Variants in DDX60L observed in about 807,000 individuals in gnomAD.
DDX60L encodes probable ATP-dependent RNA helicase DDX60-like.
Under a neutral mutation model 211.6 loss-of-function variants are expected in DDX60L, and 191 were observed. The ratio of observed to expected loss-of-function variants is 0.90; its 90% CI spans 0.80 to 1.02. DDX60L has a LOEUF of 1.02. DDX60L is among the 50% of genes least tolerant of loss of function. The probability of loss-of-function intolerance (pLI) is 0.00; values close to 1 mark genes in which losing one functional copy is unlikely to be tolerated. For missense variants in DDX60L, 2,007 were observed against 1,984.1 expected (o/e 1.01, Z -0.22); for synonymous variants, 706 against 694.1 (o/e 1.02, Z -0.27).
At position 168,374,576 on chromosome 4, in the gene DDX60L, C is replaced by T. The variant is rs549997501; in HGVS notation, c.4634-768G>A. Among the ~76,000 whole-genome samples the T allele has an allele frequency of 2.9e-4, 44 of 152,278 alleles. 3 individuals are homozygous for T. The South Asian group carries it at 8.3e-3, about 29-fold the overall frequency. On this transcript the variant is annotated intron_variant, in intron 34 of 37. Transcript: ENST00000682922. ...ATTTGCAACGTCTGCTAGAACTTTC[C>T]GTAATGATGGAAATATTCTACCTCT...
intron 10 of DDX60L, among the ~76,000 whole-genome samples, chr4:168,438,277 TG>T (rs1753349322): frequency 6.6e-6 from 1 of 152,208 alleles, no homozygotes; most frequent in Non-Finnish European, 1.5e-5. Flanking sequence ...TCCTGCCTTT[TG>T]GGGCCAGTGT....
At chr4:168,402,807 A>C (rs1286803291) in intron 25 of DDX60L, among the ~76,000 whole-genome samples, 1 of 152,210 alleles carries the variant, frequency 6.6e-6, no homozygotes, top group South Asian at 2.1e-4. Flanking sequence ...CAGAGCTACA[A>C]ACCAGTGGAC....
intron 24 of DDX60L, 26 bp from the exon 25 acceptor site, chr4:168,404,132 A>T (rs766352465): frequency 3.4e-4 from 133 of 387,324 alleles, no homozygotes; most frequent in African/African-American, 2.6e-3. Context: ...AAAATTATTT[A>T]AAAAAAAAAA....
rs759068019 is a variant in DDX60L, at chr4:168,358,246, C to T, written c.5022G>A (p.Lys1674=). ...TAAATGCCAGGACTACATTGTCACGCTTATTTTCACATAGTTCACTCAAGG... is the reference window on the plus strand; with the variant it reads ...TAAATGCCAGGACTACATTGTCACGTTTATTTTCACATAGTTCACTCAAGG... The part of the protein sequence containing the change: ...SDSLSELCEN[K]RDNVVLAFKQ... Residue 1674 remains lysine (K), a synonymous_variant, in exon 38 of 38, where the codon AAG becomes AAA. Coordinates refer to ENST00000682922, the MANE Select transcript of DDX60L (RefSeq NM_001012967.3). The T allele has an allele frequency of 9.4e-6, 15 of 1,596,622 alleles. No homozygotes were observed. The highest frequency in any genetic ancestry group is 1.4e-5 in the African/African-American group (1 of 73,976).
At chr4:168,395,366 A>G (rs1157041879) in intron 27 of DDX60L, among the ~76,000 whole-genome samples, 1 of 152,250 alleles carries the variant, frequency 6.6e-6, no homozygotes, top group Non-Finnish European at 1.5e-5. Context: ...TAACGAATAA[A>G]TACATGAAAT....
chr4:168,446,358 C>CCACT (rs1754794806), intron 9 of DDX60L, among the ~76,000 whole-genome samples: 1 of 152,084 alleles, frequency 6.6e-6, no homozygotes, highest in African/African-American at 2.4e-5. Flanking sequence ...GAACTACAAA[C>CCACT]CACTGCTCAA....
chr4:168,439,917 G>C (rs1386340574), intron 10 of DDX60L, among the ~76,000 whole-genome samples: 2 of 152,098 alleles, frequency 1.3e-5, no homozygotes, highest in African/African-American at 2.4e-5. Context: ...AAATACTTAC[G>C]ACCTATACTT....
At chr4:168,429,897 T>C (rs912292014) in intron 13 of DDX60L, among the ~76,000 whole-genome samples, 39 of 152,242 alleles carry the variant, frequency 2.6e-4, no homozygotes, top group Middle Eastern at 3.4e-3. Context: ...TCTTCTATCA[T>C]GATTATAAGT....
intron 29 of DDX60L, among the ~76,000 whole-genome samples, chr4:168,389,133 T>A (rs913763062): frequency 1.4e-4 from 21 of 152,176 alleles, no homozygotes; most frequent in Non-Finnish European, 2.8e-4. Context: ...CTGCTCTCCT[T>A]GATTGTTGAA....
chr4:168,449,812 A>AAT (rs1755548679), intron 8 of DDX60L, among the ~76,000 whole-genome samples: 2 of 94,694 alleles, frequency 2.1e-5, no homozygotes, highest in African/African-American at 6.9e-5. Context: ...AAATAAAAAA[A>AAT]AAAAAAAAAA....
At position 168,394,507 on chromosome 4, in the gene DDX60L, T is replaced by C. The variant is rs751688781; in HGVS notation, c.3768A>G (p.Glu1256=). ...GYHHSSMYFK[E]KEFVEILFVK... ...CAAAGAGTATCTCAACAAACTCTTTTTCTTTAAAATACATGCTGCTGTGAT... is the reference window on the plus strand; with the variant it reads ...CAAAGAGTATCTCAACAAACTCTTTCTCTTTAAAATACATGCTGCTGTGAT... The change falls in exon 28 of 38, where the codon GAA becomes GAG. Residue 1256 remains glutamate, a synonymous_variant. Coordinates refer to ENST00000682922, the MANE Select transcript of DDX60L (RefSeq NM_001012967.3). 1 of 1,611,250 alleles carries C rather than the reference T, an allele frequency of 6.2e-7. No individual in the cohort carries two copies. The highest frequency in any genetic ancestry group is 8.5e-7 in the Non-Finnish European group (1 of 1,179,056).
Position 168,406,698 on chromosome 4 carries a change from C to A in DDX60L, c.2988G>T (p.Lys996Asn). 1 of 1,587,952 alleles carries A rather than the reference C, an allele frequency of 6.3e-7. No homozygotes were observed. Reference sequence around the variant, plus strand: ...GGGTAAGATCAGGTGGGAATCCATACTTTTCAATCTGTGAATAAACAAATT... The same window carrying A: ...GGGTAAGATCAGGTGGGAATCCATAATTTTCAATCTGTGAATAAACAAATT... The part of the protein sequence containing the change: ...CAALTTDIIE[K>N]YGFPPDLTLT... The change falls in exon 23 of 38, where the codon AAG (lysine) becomes AAT (asparagine). Residue 996 changes from lysine to asparagine, a missense_variant. By Grantham distance (94) the Lys-to-Asn change is moderately conservative. Coordinates refer to ENST00000682922, the MANE Select transcript of DDX60L (RefSeq NM_001012967.3).
At position 168,434,693 on chromosome 4, in the gene DDX60L, T is replaced by C. The variant is rs117103333; in HGVS notation, c.1295-1578A>G. ...TCTGATTCACAGAAACCTACAGCATTGGCTAGCTGGTCATAGTGTTCCTAG... is the reference window on the plus strand; with the variant it reads ...TCTGATTCACAGAAACCTACAGCATCGGCTAGCTGGTCATAGTGTTCCTAG... On this transcript the variant is annotated intron_variant, in intron 10 of 37. Coordinates refer to ENST00000682922, the MANE Select transcript of DDX60L (RefSeq NM_001012967.3). Among the ~76,000 whole-genome samples the C allele has an allele frequency of 4.7e-3, 716 of 152,268 alleles. 9 individuals carry two copies. Among genetic ancestry groups the C allele is most frequent in the Admixed American group, 0.018 (279 of 15,290 alleles).
rs766941200 is a variant in DDX60L at position 168,453,244 on chromosome 4, A to G, written c.876T>C (p.Asp292=). Reference sequence around the variant, plus strand: ...CACAGAGGCAACGCAGTCTGCAGAAATCTTCCACCTCCTGCAGGGATAGGC... The same window carrying G: ...CACAGAGGCAACGCAGTCTGCAGAAGTCTTCCACCTCCTGCAGGGATAGGC... The part of the protein sequence containing the change: ...SNCLSLQEVE[D]FCRLRCLCVA... Residue 292 remains aspartate, a synonymous_variant, in exon 8 of 38, where the codon GAT becomes GAC. Coordinates refer to ENST00000682922, the MANE Select transcript of DDX60L (RefSeq NM_001012967.3). 1.9e-6 allele frequency: 3 copies of G among 1,612,804 alleles called. No individual in the cohort carries two copies. In the East Asian group the frequency reaches 6.7e-5, roughly 36 times the overall value.
Position 168,360,154 on chromosome 4 carries a change from A to G in DDX60L, c.4991+995T>C, listed in dbSNP as rs191255590. On this transcript the variant is annotated intron_variant, in intron 37 of 37. Coordinates refer to ENST00000682922, the MANE Select transcript of DDX60L (RefSeq NM_001012967.3). ...AACTCAATCATAGCACTTACCACATATGACTGTCTACAAGAAAGTTTCTCC... is the reference window on the plus strand; with the variant it reads ...AACTCAATCATAGCACTTACCACATGTGACTGTCTACAAGAAAGTTTCTCC... 2.4e-3 allele frequency among the ~76,000 whole-genome samples: 359 copies of G among 152,334 alleles called. 1 individual carries two copies. The highest frequency in any genetic ancestry group is 0.01 in the Middle Eastern group (3 of 294).
At chr4:168,403,900 TATAA>T in intron 25 of DDX60L, 78 bp downstream of exon 25, 1 of 816,932 alleles carries the variant, frequency 1.2e-6, no homozygotes, top group Non-Finnish European at 1.8e-6. Flanking sequence ...AACCACTATA[TATAA>T]ATGAGACTAA....
Position 168,423,648 on chromosome 4 carries a change from A to C in DDX60L, c.2057T>G (p.Leu686Ter), listed in dbSNP as rs1484588114. Residue 686 changes from leucine to a stop codon, truncating the protein, a stop_gained, in exon 15 of 38, where the codon TTA becomes TGA. Coordinates refer to ENST00000682922, the MANE Select transcript of DDX60L (RefSeq NM_001012967.3). LOFTEE classifies it high-confidence loss of function. ...HQYIAKCLKY[L>*]GFNDLANSLD... ...AGAGTTTGCCAGATCATTAAAGCCT[A>C]AATATTTAAGGCATTTAGCTATATA... 1.9e-6 allele frequency: 3 copies of C among 1,596,908 alleles called. No individual in the cohort carries two copies. The highest frequency in any genetic ancestry group is 3.3e-4 in the Middle Eastern group (2 of 5,984).
intron 26 of DDX60L, among the ~76,000 whole-genome samples, chr4:168,396,614 T>C (rs1172230201): frequency 2.0e-5 from 3 of 151,986 alleles, no homozygotes; most frequent in Non-Finnish European, 1.5e-5. Flanking sequence ...AAATTGATTA[T>C]ACCATTAAAT....
At chr4:168,468,032 T>A (rs1465838852) in intron 4 of DDX60L, among the ~76,000 whole-genome samples, 1 of 152,114 alleles carries the variant, frequency 6.6e-6, no homozygotes, top group African/African-American at 2.4e-5. Context: ...CCAGGCATGG[T>A]GGCGCATGCC....
Sources: gnomAD v4.1 joint callset for allele counts (sites outside exome capture counted in the v4.1 genomes callset) on GRCh38, gnomAD v4.1.1 for gene constraint, MANE v1.5 for transcripts, NCBI Gene and HGNC (gene_info 2026-07-23, HGNC 2026-07-21) for gene names.